TTC23: variants seen among roughly 807,000 people sequenced by gnomAD.
TTC23 encodes tetratricopeptide repeat domain 23, also known as tetratricopeptide repeat protein 23.
TTC23 carries 58 observed loss-of-function variants against 55.1 expected under a neutral mutation model. The observed-to-expected ratio is 1.05, with a 90% CI of 0.85 to 1.31. The LOEUF is 1.31. TTC23 is among the 50% of genes most tolerant of loss of function. TTC23 has a pLI of 0.00. For synonymous variants in TTC23, 203 were observed against 199.9 expected, an observed-to-expected ratio of 1.02 and a Z score of -0.13; for missense variants, 516 against 534.4, an observed-to-expected ratio of 0.97 and a Z score of 0.34.
intron 8 of TTC23, among the ~76,000 whole-genome samples, chr15:99,216,582 A>G (rs985765602): frequency 6.6e-6 from 1 of 152,222 alleles, no homozygotes; most frequent in African/African-American, 2.4e-5. Flanking sequence ...CTAACAGGCT[A>G]TTCATACAAG....
intron 11 of TTC23, 108 bp from the exon 12 acceptor site, chr15:99,156,405 C>G (rs2070577309): frequency 4.6e-6 from 6 of 1,309,668 alleles, no homozygotes; most frequent in Non-Finnish European, 1.1e-6. Context: ...ACGAGCTGAG[C>G]CTGTTCTCCT....
intron 2 of TTC23, 65 bp from the exon 3 acceptor site, chr15:99,241,624 G>C (rs1223835781): frequency 2.6e-5 from 4 of 152,444 alleles, no homozygotes; most frequent in African/African-American, 9.6e-5. Flanking sequence ...GAAGAGGTCT[G>C]AAGTGGAGTC....
intron 3 of TTC23, among the ~76,000 whole-genome samples, chr15:99,236,248 T>C (rs945543823): frequency 2.0e-4 from 30 of 152,164 alleles, no homozygotes; most frequent in African/African-American, 5.1e-4. Context: ...CATTCTACAT[T>C]CCCACTGGCA....
At chr15:99,168,381 C>T (rs962495600) in intron 10 of TTC23, among the ~76,000 whole-genome samples, 1 of 152,192 alleles carries the variant, frequency 6.6e-6, no homozygotes, top group Non-Finnish European at 1.5e-5. Flanking sequence ...GACCAGCCCC[C>T]CTCCATGACC....
At chr15:99,223,876 T>C (rs1357024202) in intron 5 of TTC23, among the ~76,000 whole-genome samples, 14 of 152,128 alleles carry the variant, frequency 9.2e-5, no homozygotes, top group Admixed American at 6.5e-5. Flanking sequence ...CAGCAACAGA[T>C]AGTCAGAACA....
intron 4 of TTC23, among the ~76,000 whole-genome samples, chr15:99,233,680 AACAAG>A (rs1354830714): frequency 6.6e-6 from 1 of 152,230 alleles, no homozygotes. Flanking sequence ...TACGATCAGA[AACAAG>A]ACAAGAAGGT....
intron 8 of TTC23, among the ~76,000 whole-genome samples, chr15:99,218,213 T>C (rs186515497): frequency 6.6e-6 from 1 of 152,238 alleles, no homozygotes; most frequent in Non-Finnish European, 1.5e-5. Context: ...CTTTCTCCTT[T>C]GAGGCTTTCA....
At chr15:99,171,836 C>T (rs2072982897) in intron 10 of TTC23, among the ~76,000 whole-genome samples, 1 of 151,530 alleles carries the variant, frequency 6.6e-6, no homozygotes, top group African/African-American at 2.4e-5. Context: ...TCCCAAAGTG[C>T]TGGGATTACA....
chr15:99,232,027 G>C (rs2078975908), intron 4 of TTC23, among the ~76,000 whole-genome samples: 1 of 147,634 alleles, frequency 6.8e-6, no homozygotes, highest in African/African-American at 2.5e-5. Flanking sequence ...CCTGATCTCA[G>C]GTGATCCACC....
intron 8 of TTC23, among the ~76,000 whole-genome samples, chr15:99,211,066 TCAAGC>T (rs1446820912): frequency 6.6e-6 from 1 of 152,032 alleles, no homozygotes; most frequent in Non-Finnish European, 1.5e-5. Context: ...AGAAACAAAA[TCAAGC>T]TTAAGGAAAT....
intron 5 of TTC23, among the ~76,000 whole-genome samples, chr15:99,222,951 C>T (rs1338102042): frequency 6.6e-6 from 1 of 152,124 alleles, no homozygotes; most frequent in Non-Finnish European, 1.5e-5. Flanking sequence ...GAGCCGATAT[C>T]GTGCCACTGC....
chr15:99,194,880 A>ACGAGATTG (rs1298766828), intron 9 of TTC23, among the ~76,000 whole-genome samples: 2 of 152,218 alleles, frequency 1.3e-5, no homozygotes, highest in East Asian at 1.9e-4. Context: ...GGTTGGTGAG[A>ACGAGATTG]CGAGATTGTA....
intron 12 of TTC23, among the ~76,000 whole-genome samples, chr15:99,152,685 A>T (rs574393161): frequency 1.1e-4 from 17 of 152,226 alleles, no homozygotes; most frequent in Admixed American, 3.3e-4. Flanking sequence ...GTATTTCTTT[A>T]TAGCAATGCA....
intron 9 of TTC23, among the ~76,000 whole-genome samples, chr15:99,180,099 G>A (rs374794991): frequency 2.6e-5 from 4 of 152,190 alleles, no homozygotes; most frequent in Admixed American, 6.5e-5. Context: ...AATGGGCCTC[G>A]CTGGGGCTCC....
At chr15:99,225,503 C>T (rs760394713) in intron 5 of TTC23, among the ~76,000 whole-genome samples, 14 of 152,150 alleles carry the variant, frequency 9.2e-5, no homozygotes, top group Non-Finnish European at 1.9e-4. Context: ...GACTCAGGAG[C>T]CAGCTGGAAG....
At chr15:99,234,881 T>C (rs1352662568) in intron 4 of TTC23, 107 bp downstream of exon 4, 1 of 151,928 alleles carries the variant, frequency 6.6e-6, no homozygotes, top group Non-Finnish European at 1.5e-5. Context: ...GGAACTCTCA[T>C]ACACTGTTGC....
chr15:99,194,392 G>A (rs147218491), intron 9 of TTC23, among the ~76,000 whole-genome samples: 129 of 152,068 alleles, frequency 8.5e-4, no homozygotes, highest in African/African-American at 2.9e-3. Flanking sequence ...TGTGGCAGTG[G>A]CAAAAGAAGA....
chr15:99,198,207 G>C (rs542956775), intron 9 of TTC23, among the ~76,000 whole-genome samples: 1 of 152,232 alleles, frequency 6.6e-6, no homozygotes, highest in African/African-American at 2.4e-5. Context: ...ATTTCCACTT[G>C]TACGCCTCAC....
chr15:99,242,872 A>T (rs181267753), intron 2 of TTC23, among the ~76,000 whole-genome samples: 11 of 151,886 alleles, frequency 7.2e-5, no homozygotes, highest in African/African-American at 2.7e-4. Context: ...AGACTTAAAT[A>T]TAAGACCTGA....
Sources: gnomAD v4.1 joint callset for allele counts (sites outside exome capture counted in the v4.1 genomes callset) on GRCh38, gnomAD v4.1.1 for gene constraint, MANE v1.5 for transcripts, NCBI Gene and HGNC (gene_info 2026-07-23, HGNC 2026-07-21) for gene names.